CTNNA3: variants seen among roughly 807,000 people sequenced by gnomAD.
CTNNA3 encodes the protein catenin alpha-3.
In CTNNA3, 76 loss-of-function variants were observed where a neutral mutation model predicts 95.7. The ratio of observed to expected loss-of-function variants is 0.79; its 90% CI spans 0.66 to 0.96. The LOEUF is 0.96. CTNNA3 is among the 40% of genes least tolerant of loss of function. The probability of loss-of-function intolerance (pLI) is 0.00; values close to 1 mark genes in which losing one functional copy is unlikely to be tolerated. For synonymous variants in CTNNA3, 431 were observed against 374.4 expected (o/e 1.15, Z -1.74); for missense variants, 1,191 against 1,089.8 (o/e 1.09, Z -1.31).
chr10:67,564,150 C>A lies in CTNNA3; in HGVS notation c.293-24481G>T, dbSNP rs557119930. On this transcript the variant is annotated intron_variant, in intron 3 of 17. Transcript: ENST00000433211. ...CAGTGATCCCATTACTGGGTATATA[C>A]CCAAAGGATCATAAATCATGCTTCT... is the stretch of plus-strand genomic sequence containing the variant. Among the ~76,000 whole-genome samples, 20 of 149,786 alleles carry A rather than the reference C, an allele frequency of 1.3e-4. 1 individual carries two copies. Among genetic ancestry groups the A allele is most frequent in the African/African-American group, 4.4e-4 (18 of 40,484 alleles).
At chr10:66,429,884 T>A (rs1248074646) in intron 11 of CTNNA3, among the ~76,000 whole-genome samples, 1 of 151,824 alleles carries the variant, frequency 6.6e-6, no homozygotes, top group East Asian at 1.9e-4. Context: ...TTCAACATAG[T>A]GTTGGAAGTT....
At chr10:66,151,020 A>C (rs550939007) in intron 13 of CTNNA3, among the ~76,000 whole-genome samples, 1 of 152,116 alleles carries the variant, frequency 6.6e-6, no homozygotes, top group Non-Finnish European at 1.5e-5. Flanking sequence ...ACGAAGTATA[A>C]ACTGTATTTA....
At chr10:66,766,567 T>C (rs1033081138) in intron 8 of CTNNA3, 151 bp from the exon 9 acceptor site, 4 of 588,352 alleles carry the variant, frequency 6.8e-6, no homozygotes, top group Non-Finnish European at 2.7e-6. Flanking sequence ...AGAATGTCCC[T>C]TAAGAAACTA....
chr10:67,462,597 T>C (rs1847420686), intron 5 of CTNNA3, among the ~76,000 whole-genome samples: 1 of 152,192 alleles, frequency 6.6e-6, no homozygotes, highest in Non-Finnish European at 1.5e-5. Flanking sequence ...AGCTTGAATC[T>C]GGCTCTGACA....
chr10:67,465,265 C>A (rs1181933572), intron 5 of CTNNA3, among the ~76,000 whole-genome samples: 2 of 152,004 alleles, frequency 1.3e-5, no homozygotes, highest in African/African-American at 4.8e-5. Flanking sequence ...CTCTCATTCT[C>A]CAGTCTAACA....
At chr10:67,523,113 T>C (rs1415293306) in intron 4 of CTNNA3, among the ~76,000 whole-genome samples, 2 of 152,176 alleles carry the variant, frequency 1.3e-5, no homozygotes, top group Non-Finnish European at 2.9e-5. Context: ...CCTAATTTCA[T>C]GAAAGCAACA....
chr10:66,903,736 A>T (rs564212288), intron 7 of CTNNA3, among the ~76,000 whole-genome samples: 187 of 152,352 alleles, frequency 1.2e-3, no homozygotes, highest in South Asian at 2.1e-3. Flanking sequence ...CACCAATAAC[A>T]GACCAACAGA....
chr10:66,385,068 A>C (rs185312242), intron 11 of CTNNA3, among the ~76,000 whole-genome samples: 138 of 152,322 alleles, frequency 9.1e-4, no homozygotes, highest in African/African-American at 3.2e-3. Flanking sequence ...AAAACCTAGC[A>C]GAAGGCAAGA....
chr10:66,579,972 G>A (rs1273177862), intron 10 of CTNNA3, among the ~76,000 whole-genome samples: 2 of 151,764 alleles, frequency 1.3e-5, no homozygotes, highest in Non-Finnish European at 3.0e-5. Flanking sequence ...GGCTTATCAT[G>A]TTTGGGGTTT....
At chr10:66,649,684 T>A (rs976610999) in intron 9 of CTNNA3, among the ~76,000 whole-genome samples, 1 of 152,182 alleles carries the variant, frequency 6.6e-6, no homozygotes, top group Non-Finnish European at 1.5e-5. Flanking sequence ...GATCCATGCC[T>A]GCTCAATAGA....
chr10:66,646,243 G>A (rs1258419680), intron 9 of CTNNA3, among the ~76,000 whole-genome samples: 1 of 152,070 alleles, frequency 6.6e-6, no homozygotes, highest in African/African-American at 2.4e-5. Flanking sequence ...AAATTGATGT[G>A]AAAAAATAGA....
chr10:66,781,428 G>T (rs1840531598), intron 7 of CTNNA3, among the ~76,000 whole-genome samples: 1 of 152,044 alleles, frequency 6.6e-6, no homozygotes, highest in Non-Finnish European at 1.5e-5. Context: ...AGGCATGAAA[G>T]ACACACAAAC....
chr10:66,434,329 G>A (rs2093321166), intron 11 of CTNNA3, among the ~76,000 whole-genome samples: 1 of 152,084 alleles, frequency 6.6e-6, no homozygotes, highest in African/African-American at 2.4e-5. Context: ...TTGAGCAGTG[G>A]TTTGTAGTTC....
rs189502865 is a variant in CTNNA3 at position 66,099,654 on chromosome 10, T to A, written c.1977+3503A>T. Among the ~76,000 whole-genome samples, 30 of 152,300 alleles carry A rather than the reference T, an allele frequency of 2.0e-4. 1 individual carries two copies. Among genetic ancestry groups the A allele is most frequent in the Admixed American group, 1.8e-3 (28 of 15,286 alleles). ...ATAAACTCACAAGGCAGATATAATGTAAGGGGTGTTATTGGTACCAAATTA... is the reference window on the plus strand; with the variant it reads ...ATAAACTCACAAGGCAGATATAATGAAAGGGGTGTTATTGGTACCAAATTA... On this transcript the variant is annotated intron_variant, in intron 14 of 17. Coordinates refer to ENST00000433211, the MANE Select transcript of CTNNA3 (RefSeq NM_013266.4).
intron 12 of CTNNA3, among the ~76,000 whole-genome samples, chr10:66,374,884 G>A (rs111357053): frequency 0.017 from 2,548 of 151,910 alleles, 66 homozygotes; most frequent in African/African-American, 0.059. Flanking sequence ...AAAAGTGCTG[G>A]GATTACAGGT....
At chr10:66,169,064 T>A (rs2085285431) in intron 13 of CTNNA3, among the ~76,000 whole-genome samples, 1 of 152,166 alleles carries the variant, frequency 6.6e-6, no homozygotes, top group African/African-American at 2.4e-5. Context: ...ATTTTTGTTG[T>A]TGTTGTTGTT....
chr10:67,339,264 G>T (rs968357598), intron 5 of CTNNA3, among the ~76,000 whole-genome samples: 30 of 151,870 alleles, frequency 2.0e-4, no homozygotes, highest in African/African-American at 7.3e-4. Context: ...TTCCAAAGTG[G>T]ACATAAATCC....
At chr10:67,056,023 A>G (rs1368315453) in intron 7 of CTNNA3, among the ~76,000 whole-genome samples, 1 of 152,054 alleles carries the variant, frequency 6.6e-6, no homozygotes, top group Non-Finnish European at 1.5e-5. Context: ...CACATGTAAT[A>G]TATGTATATT....
chr10:67,402,209 C>T (rs1844948261), intron 5 of CTNNA3, among the ~76,000 whole-genome samples: 1 of 152,174 alleles, frequency 6.6e-6, no homozygotes, highest in African/African-American at 2.4e-5. Flanking sequence ...TAAAATGATT[C>T]AAGGGCTGAA....
Sources: allele counts gnomAD v4.1 joint callset (sites outside exome capture counted in the v4.1 genomes callset), GRCh38; gene constraint gnomAD v4.1.1; transcripts MANE v1.5; gene names NCBI Gene and HGNC (gene_info 2026-07-23, HGNC 2026-07-21).